The following UNC119 variants were observed in gnomAD, a reference collection of about 807,000 sequenced individuals.
The protein encoded by UNC119 is unc-119 lipid binding chaperone.
UNC119 carries 15 observed loss-of-function variants against 22.6 expected under a neutral mutation model. The ratio of observed to expected loss-of-function variants is 0.66; its 90% CI spans 0.44 to 1.02. The LOEUF is 1.02. Among genes scored for constraint, UNC119 ranks in the 50% least tolerant of loss-of-function variants. The probability of loss-of-function intolerance (pLI) is 0.00; values close to 1 mark genes in which losing one functional copy is unlikely to be tolerated. For missense variants in UNC119, 322 were observed against 336.0 expected (o/e 0.96, Z 0.33); for synonymous variants, 138 against 139.4 (o/e 0.99, Z 0.07).
intron 1 of UNC119, 144 bp from the exon 2 acceptor site, chr17:28,548,849 T>C (rs1054478978): frequency 6.2e-6 from 4 of 645,526 alleles, no homozygotes; most frequent in African/African-American, 1.8e-5. Context: ...TCCCTGCCCT[T>C]GGGGTACACC....
In UNC119 at chr17:28,552,457, T is replaced by A; in HGVS notation, c.101A>T (p.Glu34Val). 6.3e-7 allele frequency: 1 copy of A among 1,577,748 alleles called. No individual in the cohort carries two copies. Among genetic ancestry groups the A allele is most frequent in the Non-Finnish European group, 8.5e-7 (1 of 1,170,470 alleles). Reference sequence around the variant, plus strand: ...CTCCGACTCGGACCCAGATTCGGATTCCGCAGGCGGCTGTGGTATGGGGGC... The same window carrying A: ...CTCCGACTCGGACCCAGATTCGGATACCGCAGGCGGCTGTGGTATGGGGGC... ...SVAPIPQPPA[E>V]SESGSESEPD... The change falls in exon 1 of 5, where the codon GAA becomes GTA. Residue 34 changes from glutamate to valine, a missense_variant. By Grantham distance (121) the Glu-to-Val change is moderately radical (BLOSUM62 -2). Coordinates refer to ENST00000335765, the MANE Select transcript of UNC119 (RefSeq NM_005148.4).
intron 1 of UNC119, chr17:28,549,306 G>A (rs2070246248): frequency 6.5e-6 from 1 of 152,712 alleles, no homozygotes. Flanking sequence ...TATCAGGTGA[G>A]GCTGATGTTA....
At chr17:28,547,933 G>A in intron 3 of UNC119, 66 bp downstream of exon 3, 3 of 1,612,508 alleles carry the variant, frequency 1.9e-6, no homozygotes, top group Non-Finnish European at 2.5e-6. Context: ...CCCTACGAGA[G>A]GCTGAGAAGG....
chr17:28,548,932 T>G, intron 1 of UNC119: 1 of 504,992 alleles, frequency 2.0e-6, no homozygotes. Flanking sequence ...TACTGGTCTC[T>G]GGGGGCCAGG....
intron 2 of UNC119, 151 bp from the exon 3 acceptor site, chr17:28,548,252 G>A (rs964532110): frequency 1.3e-5 from 10 of 742,802 alleles, no homozygotes; most frequent in Non-Finnish European, 2.0e-5. Flanking sequence ...TGGCCAAATA[G>A]TGCCACCTAG....
At position 28,552,529 on chromosome 17, in the gene UNC119, G is replaced by A; in HGVS notation, c.29C>T (p.Ala10Val). The A allele has an allele frequency of 6.5e-7, 1 of 1,544,742 alleles. No individual in the cohort carries two copies. The highest frequency in any genetic ancestry group is 8.7e-7 in the Non-Finnish European group (1 of 1,155,844). ...CGGAGCGGACTCCGTCGCCGTCCCG[G>A]CCCCACCGCCGCCCTTCTTCACCTT... is the stretch of plus-strand genomic sequence containing the variant. MKVKKGGGG[A>V]GTATESAPGP... is the part of the protein sequence containing the mutation. Residue 10 changes from alanine (A) to valine (V), a missense_variant, in exon 1 of 5, where the codon GCC becomes GTC. Physicochemically the swap from Ala to Val is moderately conservative, Grantham distance 64 (BLOSUM62 0). Transcript: ENST00000335765.
rs752277305 is a variant in UNC119, at chr17:28,547,356, C to T, written c.664G>A (p.Val222Met). Residue 222 changes from valine (V) to methionine (M), a missense_variant, in exon 5 of 5, where the codon GTG (valine) becomes ATG (methionine). Val to Met is a conservative substitution (Grantham distance 21). Transcript: ENST00000335765. Reference protein sequence around the residue: ...YETQSDSFYFVDDRLVMHNKA... With the variant: ...YETQSDSFYFMDDRLVMHNKA... ...TTGTGCATCACCAGCCGGTCATCCACGAAGTAGAAGCTGTCAGACTGGGTC... is the reference window on the plus strand; with the variant it reads ...TTGTGCATCACCAGCCGGTCATCCATGAAGTAGAAGCTGTCAGACTGGGTC... 3 of 1,614,202 alleles carry T rather than the reference C, an allele frequency of 1.9e-6. No individual in the cohort carries two copies. The highest frequency in any genetic ancestry group is 1.1e-5 in the South Asian group (1 of 91,086).
At position 28,551,996 on chromosome 17, in the gene UNC119, G is replaced by A. The variant is rs545811506; in HGVS notation, c.220+342C>T. On this transcript the variant is annotated intron_variant, in intron 1 of 4. Coordinates refer to ENST00000335765, the MANE Select transcript of UNC119 (RefSeq NM_005148.4). Reference sequence around the variant, plus strand: ...CAGCCCCTCTCTTCATTAGTGCAGGGACGGGCCTCAAAGCGCTCTGGAGAC... The same window carrying A: ...CAGCCCCTCTCTTCATTAGTGCAGGAACGGGCCTCAAAGCGCTCTGGAGAC... The A allele has an allele frequency of 3.9e-6, 2 of 507,158 alleles. 1 individual carries two copies. Among genetic ancestry groups the A allele is most frequent in the Non-Finnish European group, 7.8e-6 (2 of 255,300 alleles). The allele number at this position is 507,158 out of a possible 1,614,324, so 31.4% of individuals were successfully genotyped here.
Position 28,547,147 on chromosome 17 carries a change from C to T in UNC119, c.*150G>A. 1.0e-6 allele frequency: 1 copy of T among 960,586 alleles called. No individual in the cohort carries two copies. The highest frequency in any genetic ancestry group is 1.6e-6 in the Non-Finnish European group (1 of 627,206). The allele number at this position is 960,586 out of a possible 1,614,324, so 59.5% of individuals were successfully genotyped here. On this transcript the variant is annotated 3_prime_UTR_variant, in exon 5 of 5. Coordinates refer to ENST00000335765, the MANE Select transcript of UNC119 (RefSeq NM_005148.4). ...GGCTTCATGGGCTTGACTGGGGACA[C>T]CAGGTACCCTTCCTCCCAACATTGA...
At position 28,552,438 on chromosome 17, in the gene UNC119, C is replaced by T; in HGVS notation, c.120G>A (p.Glu40=). 6.4e-7 allele frequency: 1 copy of T among 1,571,454 alleles called. No individual in the cohort carries two copies. Among genetic ancestry groups the T allele is most frequent in the Non-Finnish European group, 8.6e-7 (1 of 1,167,320 alleles). The change falls in exon 1 of 5, where the codon GAG becomes GAA. Residue 40 remains glutamate, a synonymous_variant. Coordinates refer to ENST00000335765, the MANE Select transcript of UNC119 (RefSeq NM_005148.4). ...GCCCTGGGCCTGCGTCCGGCTCCGA[C>T]TCGGACCCAGATTCGGATTCCGCAG... is the stretch of plus-strand genomic sequence containing the variant. ...QPPAESESGS[E]SEPDAGPGPR...
Position 28,546,833 on chromosome 17 carries a change from G to T in UNC119, c.*464C>A, listed in dbSNP as rs1290870289. ...CTTGGCCCCTCATGGGGAGGGATGG[G>T]GCTAGGCCTAGGGCCCAGACTCCCT... On this transcript the variant is annotated 3_prime_UTR_variant, in exon 5 of 5. Transcript: ENST00000335765. 2.5e-5 allele frequency: 7 copies of T among 283,092 alleles called. No homozygotes were observed. Among genetic ancestry groups the T allele is most frequent in the Non-Finnish European group, 4.2e-5 (6 of 141,728 alleles). The allele number at this position is 283,092 out of a possible 1,614,324, so 17.5% of individuals were successfully genotyped here. A position where few individuals can be genotyped will look rare whatever the true frequency, so the allele number is the denominator to read the frequency against.
chr17:28,552,302 C>T (rs1355767889), intron 1 of UNC119, 36 bp downstream of exon 1: 1 of 1,526,694 alleles, frequency 6.6e-7, no homozygotes, highest in Non-Finnish European at 8.8e-7. Context: ...CTCTCCCCTT[C>T]CCACCCGCGG....
intron 1 of UNC119, chr17:28,550,494 T>C (rs2070258852): frequency 2.6e-5 from 4 of 152,204 alleles, no homozygotes; most frequent in Admixed American, 1.3e-4. Flanking sequence ...CCTTCTCTTC[T>C]AGAAAGGATG....
At chr17:28,547,506 C>G (rs991248504) in intron 4 of UNC119, 97 bp from the exon 5 acceptor site, 45 of 1,586,194 alleles carry the variant, frequency 2.8e-5, no homozygotes, top group Non-Finnish European at 3.7e-5. Context: ...AGCCAAACAG[C>G]CTGAAATATC....
At chr17:28,552,076 GA>G (rs2070277970) in intron 1 of UNC119, 1 of 671,040 alleles carries the variant, frequency 1.5e-6, no homozygotes, top group Admixed American at 2.1e-5. Flanking sequence ...TCCACGCTGG[GA>G]AAAGGGGACG....
At chr17:28,551,979 CTCTT>C (rs1441989453) in intron 1 of UNC119, 1 of 440,650 alleles carries the variant, frequency 2.3e-6, no homozygotes, top group African/African-American at 2.1e-5. Context: ...CTCAGCCCCT[CTCTT>C]CATTAGTGCA....
In UNC119 at chr17:28,547,792, G is replaced by T; in HGVS notation, c.495C>A (p.His165Gln). 6.2e-7 allele frequency: 1 copy of T among 1,614,202 alleles called. No homozygotes were observed. The highest frequency in any genetic ancestry group is 8.5e-7 in the Non-Finnish European group (1 of 1,180,050). ...PVNNFRMIER[H>Q]YFRNQLLKSF... is the part of the protein sequence containing the mutation. The stretch of plus-strand genomic sequence containing the variant: ...TTTTGAGTAGCTGGTTGCGGAAGTA[G>T]TGCCTCTCGATCATGCGGAAGTTGT... Residue 165 changes from histidine to glutamine, a missense_variant, in exon 4 of 5, where the codon CAC (histidine) becomes CAA (glutamine). Physicochemically the swap from His to Gln is conservative, Grantham distance 24 (BLOSUM62 0). Coordinates refer to ENST00000335765, the MANE Select transcript of UNC119 (RefSeq NM_005148.4).
chr17:28,552,399 C>A lies in UNC119; in HGVS notation c.159G>T (p.Pro53=). The A allele has an allele frequency of 2.6e-6, 4 of 1,552,300 alleles. No homozygotes were observed. The highest frequency in any genetic ancestry group is 3.5e-6 in the Non-Finnish European group (4 of 1,156,798). The part of the protein sequence containing the change: ...PDAGPGPRPG[P]LQRKQPIGPE... ...GCCCGATCGGCTGCTTCCTCTGCAG[C>A]GGCCCCGGCCTGGGCCCTGGGCCTG... The change falls in exon 1 of 5, where the codon CCG becomes CCT. Residue 53 remains proline, a synonymous_variant. Transcript: ENST00000335765.
In UNC119 at chr17:28,547,388, G is replaced by A. The variant is rs749424586; in HGVS notation, c.632C>T (p.Pro211Leu). 24 of 1,614,080 alleles carry A rather than the reference G, an allele frequency of 1.5e-5. No homozygotes were observed. The highest frequency in any genetic ancestry group is 4.5e-5 in the East Asian group (2 of 44,900). Reference sequence around the variant, plus strand: ...GAAGCTGTCAGACTGGGTCTCATACGGGTGGCGGATCATCTCGCTGACTGC... The same window carrying A: ...GAAGCTGTCAGACTGGGTCTCATACAGGTGGCGGATCATCTCGCTGACTGC... ...EELISEMIRH[P>L]YETQSDSFYF... Residue 211 changes from proline to leucine, a missense_variant, in exon 5 of 5, where the codon CCG becomes CTG. Physicochemically the swap from Pro to Leu is moderately conservative, Grantham distance 98. Transcript: ENST00000335765.
Sources: gnomAD v4.1 joint callset for allele counts on GRCh38, gnomAD v4.1.1 for gene constraint, MANE v1.5 for transcripts, NCBI Gene and HGNC (gene_info 2026-07-23, HGNC 2026-07-21) for gene names.